Variants in CD72 observed in about 807,000 individuals in gnomAD.
The protein encoded by CD72 is B-cell differentiation antigen CD72.
Under a neutral mutation model 50.7 loss-of-function variants are expected in CD72, and 28 were observed. That is an observed-to-expected ratio of 0.55 (90% CI 0.41 to 0.76). The LOEUF (loss-of-function observed/expected upper bound fraction) is 0.76. Ranked by LOEUF, CD72 falls within the 30% of genes least tolerant of loss-of-function variation. The pLI, the probability that CD72 is intolerant of heterozygous loss-of-function variation, is 0.00. For missense variants in CD72, 403 were observed against 420.6 expected (o/e 0.96, Z 0.37); for synonymous variants, 176 against 171.2 (o/e 1.03, Z -0.22).
At chr9:35,617,086 G>T (rs1338494910) in intron 3 of CD72, 90 bp downstream of exon 3, 3 of 1,522,490 alleles carry the variant, frequency 2.0e-6, no homozygotes, top group Non-Finnish European at 2.6e-6. Context: ...TATCCCGGAA[G>T]GAGCTGCACC....
At chr9:35,611,703 G>T in intron 7 of CD72, 101 bp downstream of exon 7, 1 of 672,536 alleles carries the variant, frequency 1.5e-6, no homozygotes, top group Non-Finnish European at 2.7e-6. Flanking sequence ...TTGATTTATG[G>T]GAGAGTCCTG....
rs534851115 is a variant in CD72 at position 35,645,892 on chromosome 9, G to A, written n.408+511C>T. ...CTTAAGAACCTGGCCAGGCTCGGTGGCTCAAGCCTGTAATCCCAGCACTTT... is the reference window on the plus strand; with the variant it reads ...CTTAAGAACCTGGCCAGGCTCGGTGACTCAAGCCTGTAATCCCAGCACTTT... On this transcript the variant is annotated intron_variant and non_coding_transcript_variant, in intron 1 of 3. Coordinates refer to the CD72 transcript ENST00000465754. Among the ~76,000 whole-genome samples the A allele has an allele frequency of 1.3e-4, 20 of 151,966 alleles. No individual in the cohort carries two copies. In the South Asian group the frequency reaches 2.9e-3, roughly 22 times the overall value.
At chr9:35,636,075 T>C (rs7022180) in intron 1 of CD72, among the ~76,000 whole-genome samples, 140,595 of 152,190 alleles carry the variant, frequency 0.92, 65,871 homozygotes, top group East Asian at 1. Flanking sequence ...TTTTCCCCTA[T>C]GCTAGGATTT....
intron 5 of CD72, among the ~76,000 whole-genome samples, chr9:35,615,281 G>A (rs1823047775): frequency 6.6e-6 from 1 of 152,118 alleles, no homozygotes; most frequent in African/African-American, 2.4e-5. Context: ...CCTGATCATA[G>A]CCCAAAAACA....
intron 7 of CD72, 118 bp from the exon 8 acceptor site, chr9:35,610,871 C>T: frequency 1.3e-6 from 1 of 756,446 alleles, no homozygotes; most frequent in South Asian, 1.6e-5. Context: ...AAGGCCACAT[C>T]TGGGCATGGT....
At chr9:35,624,262 T>TAAA (rs1217544360), upstream of CD72, among the ~76,000 whole-genome samples, 50 of 138,682 alleles carry the variant, frequency 3.6e-4, no homozygotes, top group Non-Finnish European at 5.2e-4. Context: ...ATAATAATAA[T>TAAA]AAATTTAATT....
intron 1 of CD72, among the ~76,000 whole-genome samples, chr9:35,626,278 C>T (rs2131778290): frequency 6.6e-6 from 1 of 152,090 alleles, no homozygotes; most frequent in Admixed American, 6.6e-5. Context: ...GTAACTGCAG[C>T]TCTGATGGAA....
chr9:35,617,094 A>AC (rs1375065157), intron 3 of CD72, 82 bp downstream of exon 3: 1 of 1,536,528 alleles, frequency 6.5e-7, no homozygotes, highest in Non-Finnish European at 8.8e-7. Flanking sequence ...AAGGAGCTGC[A>AC]CCCCGCGGGG....
chr9:35,623,145 T>C (rs1299178278), upstream of CD72, among the ~76,000 whole-genome samples: 1 of 152,086 alleles, frequency 6.6e-6, no homozygotes, highest in African/African-American at 2.4e-5. Context: ...AAAAAGATAA[T>C]ACAGCAAGCA....
At chr9:35,616,792 A>G in intron 3 of CD72, 103 bp from the exon 4 acceptor site, 1 of 1,102,738 alleles carries the variant, frequency 9.1e-7, no homozygotes, top group African/African-American at 1.5e-5. Flanking sequence ...GGCATCCCTA[A>G]GAGGAGGGCG....
chr9:35,629,127 T>C (rs1460618639), intron 1 of CD72, among the ~76,000 whole-genome samples: 1 of 152,128 alleles, frequency 6.6e-6, no homozygotes, highest in Non-Finnish European at 1.5e-5. Flanking sequence ...TCTTCCTGCC[T>C]GGGCCTCCCA....
upstream of CD72, among the ~76,000 whole-genome samples, chr9:35,623,719 C>T (rs909020517): frequency 6.6e-6 from 1 of 152,054 alleles, no homozygotes; most frequent in African/African-American, 2.4e-5. Context: ...GAGTTCAAGA[C>T]CAGCCTGGCC....
chr9:35,630,873 G>T (rs1823240213), intron 1 of CD72, among the ~76,000 whole-genome samples: 1 of 152,142 alleles, frequency 6.6e-6, no homozygotes, highest in Non-Finnish European at 1.5e-5. Flanking sequence ...AGATAAACCT[G>T]CGCAACATGG....
At chr9:35,639,161 T>C (rs1280689627) in intron 1 of CD72, among the ~76,000 whole-genome samples, 2 of 152,074 alleles carry the variant, frequency 1.3e-5, no homozygotes, top group Non-Finnish European at 2.9e-5. Flanking sequence ...ATGAGCAAAG[T>C]ACTGGCTTTA....
rs774411100 is a variant in CD72, at chr9:35,618,177, G to A, written c.82+45C>T. The A allele has an allele frequency of 1.4e-5, 22 of 1,605,492 alleles. 1 individual carries two copies. The highest frequency in any genetic ancestry group is 1.3e-4 in the South Asian group (12 of 90,922). On this transcript the variant is annotated intron_variant, in intron 1 of 8. Coordinates refer to ENST00000259633, the MANE Select transcript of CD72 (RefSeq NM_001782.3). ...GATTTGGGAATGGGATCTGTGGGGC[G>A]GGAAGTGGGGATGCAGGATCAAGGG...
chr9:35,624,904 T>C (rs1823182357), intron 1 of CD72, among the ~76,000 whole-genome samples: 1 of 152,220 alleles, frequency 6.6e-6, no homozygotes, highest in South Asian at 2.1e-4. Context: ...TATAAGACAT[T>C]GAACTTAATA....
At chr9:35,641,039 G>A (rs1182374962) in intron 1 of CD72, among the ~76,000 whole-genome samples, 4 of 152,146 alleles carry the variant, frequency 2.6e-5, no homozygotes, top group Admixed American at 6.5e-5. Context: ...ATTCTTAGTC[G>A]GCCTAGGAAA....
At chr9:35,640,881 C>T (rs1359314415) in intron 1 of CD72, among the ~76,000 whole-genome samples, 1 of 152,222 alleles carries the variant, frequency 6.6e-6, no homozygotes, top group Non-Finnish European at 1.5e-5. Context: ...CTGCTGTGCT[C>T]TCAGGCAAAA....
At chr9:35,615,838 C>T in intron 5 of CD72, 105 bp downstream of exon 5, 1 of 862,832 alleles carries the variant, frequency 1.2e-6, no homozygotes, top group South Asian at 1.6e-5. Context: ...GGTTCACTGC[C>T]CCTTTCCTGA....
Sources: allele counts gnomAD v4.1 joint callset (sites outside exome capture counted in the v4.1 genomes callset), GRCh38; gene constraint gnomAD v4.1.1; transcripts MANE v1.5; gene names NCBI Gene and HGNC (gene_info 2026-07-23, HGNC 2026-07-21).